Variants in PGPEP1L observed in about 807,000 individuals in gnomAD.
PGPEP1L encodes the protein pyroglutamyl-peptidase 1-like protein.
In PGPEP1L, 7 loss-of-function variants were observed where a neutral mutation model predicts 6.0. The ratio of observed to expected loss-of-function variants is 1.17; its 90% confidence interval spans 0.66 to 2.19. The LOEUF (loss-of-function observed/expected upper bound fraction) is 2.19. Among genes scored for constraint, PGPEP1L ranks in the 30% most tolerant of loss-of-function variants. The pLI, the probability that PGPEP1L is intolerant of heterozygous loss-of-function variation, is 0.00. For missense variants in PGPEP1L, 209 were observed against 192.5 expected (o/e 1.09, Z -0.51); for synonymous variants, 103 against 83.9 (o/e 1.23, Z -1.24).
intron 2 of PGPEP1L, among the ~76,000 whole-genome samples, chr15:98,972,945 C>A (rs2017520458): frequency 7.4e-6 from 1 of 135,844 alleles, no homozygotes; most frequent in Non-Finnish European, 1.6e-5. Flanking sequence ...AAAGATCCAA[C>A]TATACGTTGT....
intron 2 of PGPEP1L, among the ~76,000 whole-genome samples, chr15:98,981,589 G>T (rs2017664484): frequency 6.6e-6 from 1 of 152,066 alleles, no homozygotes; most frequent in South Asian, 2.1e-4. Context: ...GAGACTCGAG[G>T]ACTTATGAAT....
chr15:98,990,287 G>T (rs1209782528), intron 2 of PGPEP1L, among the ~76,000 whole-genome samples: 1 of 145,692 alleles, frequency 6.9e-6, no homozygotes, highest in Non-Finnish European at 1.5e-5. Context: ...CAAATGGAAA[G>T]AAAAAAAAAA....
chr15:98,982,531 T>C (rs2017679498), intron 2 of PGPEP1L, among the ~76,000 whole-genome samples: 1 of 152,022 alleles, frequency 6.6e-6, no homozygotes, highest in East Asian at 1.9e-4. Flanking sequence ...CATGGGAAAG[T>C]GCATTTGGGT....
At chr15:99,005,242 G>A (rs1196367155) in intron 2 of PGPEP1L, among the ~76,000 whole-genome samples, 187 bp downstream of exon 2, 1 of 152,146 alleles carries the variant, frequency 6.6e-6, no homozygotes, top group Non-Finnish European at 1.5e-5. Context: ...AAATGCCTGT[G>A]ATCCTGATTG....
chr15:98,988,950 C>T (rs1056602613), intron 2 of PGPEP1L, among the ~76,000 whole-genome samples: 3 of 152,130 alleles, frequency 2.0e-5, no homozygotes, highest in South Asian at 2.1e-4. Context: ...CAAAAAAGGA[C>T]GTCCAGACAC....
chr15:98,972,355 AAAATAAATAAATAAATAAAT>A (rs34372599), intron 2 of PGPEP1L, among the ~76,000 whole-genome samples: 78 of 144,830 alleles, frequency 5.4e-4, no homozygotes, highest in Non-Finnish European at 8.6e-4. Context: ...CTCCGTCTCA[AAAATAAATAAATAAATAAAT>A]AAATAAATAA....
At chr15:98,986,195 T>C (rs929173470) in intron 2 of PGPEP1L, among the ~76,000 whole-genome samples, 1 of 152,156 alleles carries the variant, frequency 6.6e-6, no homozygotes, top group Non-Finnish European at 1.5e-5. Context: ...TAGAATTTTG[T>C]AAGTGATAGA....
At chr15:99,005,776 G>A (rs1256050809) in intron 1 of PGPEP1L, 120 bp from the exon 2 acceptor site, 2 of 152,470 alleles carry the variant, frequency 1.3e-5, no homozygotes, top group Non-Finnish European at 2.9e-5. Flanking sequence ...TGTTGTTCAG[G>A]ATGGTTCAAA....
intron 2 of PGPEP1L, among the ~76,000 whole-genome samples, chr15:98,995,737 G>A (rs1199280524): frequency 6.6e-6 from 1 of 152,126 alleles, no homozygotes; most frequent in Non-Finnish European, 1.5e-5. Flanking sequence ...TAGATGCAGA[G>A]TTATGTAACC....
At chr15:98,977,292 G>A (rs1042210487) in intron 2 of PGPEP1L, among the ~76,000 whole-genome samples, 15 of 152,112 alleles carry the variant, frequency 9.9e-5, no homozygotes, top group Admixed American at 6.5e-5. Context: ...AATTTGTTCT[G>A]TTAGTTTCTT....
chr15:98,992,132 T>TCA (rs1555472144), intron 2 of PGPEP1L, among the ~76,000 whole-genome samples: 2 of 152,160 alleles, frequency 1.3e-5, no homozygotes, highest in African/African-American at 4.8e-5. Context: ...ATAAAGGTAT[T>TCA]CAAATAGGAA....
chr15:98,992,205 G>A lies in PGPEP1L; in HGVS notation c.-142+13224C>T, dbSNP rs111559848. On this transcript the variant is annotated intron_variant, in intron 2 of 4. Transcript: ENST00000535714. ...GATTGTATATTTAGAAAACCCCATC[G>A]TCTCAGCCCAAAATCTCCTTAAGGT... Among the ~76,000 whole-genome samples the A allele has an allele frequency of 9.4e-4, 143 of 152,242 alleles. 2 individuals are homozygous for A. The highest frequency in any genetic ancestry group is 2.8e-3 in the African/African-American group (115 of 41,546).
intron 2 of PGPEP1L, among the ~76,000 whole-genome samples, chr15:98,994,234 C>T (rs2017857670): frequency 6.6e-6 from 1 of 152,102 alleles, no homozygotes; most frequent in African/African-American, 2.4e-5. Flanking sequence ...CCACTGCACT[C>T]CAGCCTGGGT....
At chr15:99,003,568 C>G (rs573418782) in intron 2 of PGPEP1L, among the ~76,000 whole-genome samples, 149 of 152,092 alleles carry the variant, frequency 9.8e-4, no homozygotes, top group African/African-American at 2.7e-3. Flanking sequence ...TCGGAGCCCT[C>G]GTTCTCCCAC....
chr15:98,969,950 G>A (rs577516971), intron 3 of PGPEP1L, among the ~76,000 whole-genome samples: 11 of 152,304 alleles, frequency 7.2e-5, no homozygotes, highest in African/African-American at 2.4e-4. Context: ...GGGGAGGGTT[G>A]GAGGGAGGAG....
chr15:98,979,850 A>G (rs1274447227), intron 2 of PGPEP1L, among the ~76,000 whole-genome samples: 1 of 152,006 alleles, frequency 6.6e-6, no homozygotes, highest in Non-Finnish European at 1.5e-5. Flanking sequence ...GGGTTTTACC[A>G]TATTGACCAG....
At chr15:98,994,651 T>G (rs2017863677) in intron 2 of PGPEP1L, among the ~76,000 whole-genome samples, 1 of 152,216 alleles carries the variant, frequency 6.6e-6, no homozygotes, top group Admixed American at 6.5e-5. Context: ...AGTTTAGATT[T>G]TGCCTGCGGG....
chr15:98,992,604 T>G (rs1174092059), intron 2 of PGPEP1L, among the ~76,000 whole-genome samples: 1 of 152,144 alleles, frequency 6.6e-6, no homozygotes, highest in Admixed American at 6.5e-5. Flanking sequence ...TACTTTAAAT[T>G]TCATATGCAA....
intron 2 of PGPEP1L, among the ~76,000 whole-genome samples, chr15:98,972,664 C>G (rs2017514619): frequency 6.6e-6 from 1 of 151,752 alleles, no homozygotes; most frequent in African/African-American, 2.4e-5. Context: ...GTCAGGAGAT[C>G]AAGACCATCC....
Sources: allele counts gnomAD v4.1 joint callset (sites outside exome capture counted in the v4.1 genomes callset), GRCh38; gene constraint gnomAD v4.1.1; transcripts MANE v1.5; gene names NCBI Gene and HGNC (gene_info 2026-07-23, HGNC 2026-07-21).